TMEM38A: variants seen among roughly 807,000 people sequenced by gnomAD.
TMEM38A encodes transmembrane protein 38A, also known as trimeric intracellular cation channel type A.
Under a neutral mutation model 28.6 loss-of-function variants are expected in TMEM38A, and 17 were observed. The observed-to-expected ratio is 0.60, with a 90% CI of 0.41 to 0.89. TMEM38A has a LOEUF of 0.89. Among genes scored for constraint, TMEM38A ranks in the 40% least tolerant of loss-of-function variants. The pLI, the probability that TMEM38A is intolerant of heterozygous loss-of-function variation, is 0.00. For missense variants in TMEM38A, 328 were observed against 393.1 expected, an observed-to-expected ratio of 0.83 and a Z score of 1.40; for synonymous variants, 169 against 166.1, an observed-to-expected ratio of 1.02 and a Z score of -0.14.
At chr19:16,663,144 G>A (rs1250957468) in intron 1 of TMEM38A, among the ~76,000 whole-genome samples, 1 of 151,964 alleles carries the variant, frequency 6.6e-6, no homozygotes, top group East Asian at 2.0e-4. Context: ...AGCCAGGCAT[G>A]GTGGCACATG....
At position 16,688,442 on chromosome 19, in the gene TMEM38A, T is replaced by C. The variant is rs2086811345; in HGVS notation, c.*71T>C. On this transcript the variant is annotated 3_prime_UTR_variant, in exon 6 of 6. Coordinates refer to ENST00000187762, the MANE Select transcript of TMEM38A (RefSeq NM_024074.4). ...CTCTGAGCTGGGAGGCTTCCTGCGCTCAGATCTATCCTTTCCTGGCCTTGA... is the reference window on the plus strand; with the variant it reads ...CTCTGAGCTGGGAGGCTTCCTGCGCCCAGATCTATCCTTTCCTGGCCTTGA... 7.9e-7 allele frequency: 1 copy of C among 1,269,102 alleles called. No homozygotes were observed. Among genetic ancestry groups the C allele is most frequent in the Non-Finnish European group, 1.0e-6 (1 of 960,680 alleles). 78.6% of individuals were successfully genotyped at this position (1,269,102 alleles called of 1,614,324 possible). A position where few individuals can be genotyped will look rare whatever the true frequency, so the allele number is the denominator to read the frequency against.
intron 1 of TMEM38A, among the ~76,000 whole-genome samples, chr19:16,665,919 C>T (rs1292455395): frequency 6.6e-6 from 1 of 151,846 alleles, no homozygotes. Context: ...AGTGATTCTC[C>T]TGCCTTAGCC....
intron 1 of TMEM38A, among the ~76,000 whole-genome samples, chr19:16,671,580 G>A (rs956588484): frequency 6.6e-6 from 1 of 151,996 alleles, no homozygotes; most frequent in South Asian, 2.1e-4. Flanking sequence ...CCAAGGCCAT[G>A]CTAGAGTGAG....
At chr19:16,686,007 A>G (rs1457250445) in intron 4 of TMEM38A, among the ~76,000 whole-genome samples, 1 of 152,188 alleles carries the variant, frequency 6.6e-6, no homozygotes, top group African/African-American at 2.4e-5. Context: ...TCCTAAAAAT[A>G]CAAAAATTAG....
chr19:16,674,577 A>T (rs2086741766), intron 1 of TMEM38A, among the ~76,000 whole-genome samples: 1 of 151,960 alleles, frequency 6.6e-6, no homozygotes, highest in Non-Finnish European at 1.5e-5. Flanking sequence ...AGGTGGGCAG[A>T]TCACCTGAGG....
At chr19:16,677,132 GC>G (rs34238207) in intron 1 of TMEM38A, among the ~76,000 whole-genome samples, 1 of 148,954 alleles carries the variant, frequency 6.7e-6, no homozygotes, top group African/African-American at 2.5e-5. Context: ...GGGTTTTCAA[GC>G]CCCCTTCTTT....
At position 16,671,201 on chromosome 19, in the gene TMEM38A, C is replaced by CTTTTTT. The variant is rs34550977; in HGVS notation, c.125-8766_125-8761dup. ...GTATGGAAAGGGGAAAGGACCTGGG[C>CTTTTTT]TTTTTTTTTTTTTTTTTTTTTTGAG... is the stretch of plus-strand genomic sequence containing the variant. On this transcript the variant is annotated intron_variant, in intron 1 of 5. Coordinates refer to ENST00000187762, the MANE Select transcript of TMEM38A (RefSeq NM_024074.4). 3.5e-3 allele frequency among the ~76,000 whole-genome samples: 301 copies of CTTTTTT among 84,828 alleles called. 25 individuals are homozygous for CTTTTTT. Among genetic ancestry groups the CTTTTTT allele is most frequent in the Admixed American group, 0.015 (118 of 7,730 alleles). The allele number at this position is 84,828 out of a possible 152,430, so 55.7% of individuals were successfully genotyped here.
At position 16,689,869 on chromosome 19, in the gene TMEM38A, G is replaced by C. The variant is rs1009392432; in HGVS notation, c.*1498G>C. The C allele has an allele frequency of 1.5e-4, 23 of 152,250 alleles. No homozygotes were observed. The highest frequency in any genetic ancestry group is 5.5e-4 in the African/African-American group (23 of 41,446). 9.4% of individuals were successfully genotyped at this position (152,250 alleles called of 1,614,324 possible). On this transcript the variant is annotated 3_prime_UTR_variant, in exon 6 of 6. Coordinates refer to ENST00000187762, the MANE Select transcript of TMEM38A (RefSeq NM_024074.4). ...CAGTCTCAGGTGAGGTTTGGGCCCA[G>C]ACCTCGTTGGAGTCCCAGACGTTGC...
Position 16,680,387 on chromosome 19 carries a change from T to C in TMEM38A, c.282-10T>C, listed in dbSNP as rs776202747. On this transcript the variant is annotated splice_polypyrimidine_tract_variant and intron_variant, in intron 2 of 5. Coordinates refer to ENST00000187762, the MANE Select transcript of TMEM38A (RefSeq NM_024074.4). ...CCATCCCCTGGCACTCACTGTTCTCTCCCCAAAAGGTACTTGATTTTCTTC... is the reference window on the plus strand; with the variant it reads ...CCATCCCCTGGCACTCACTGTTCTCCCCCCAAAAGGTACTTGATTTTCTTC... 1.2e-6 allele frequency: 2 copies of C among 1,613,756 alleles called. No individual in the cohort carries two copies. Among genetic ancestry groups the C allele is most frequent in the African/African-American group, 2.7e-5 (2 of 74,902 alleles).
chr19:16,688,169 A>C lies in TMEM38A; in HGVS notation c.698A>C (p.His233Pro). The change falls in exon 6 of 6, where the codon CAC (histidine) becomes CCC (proline). Residue 233 changes from histidine to proline, a missense_variant. Coordinates refer to ENST00000187762, the MANE Select transcript of TMEM38A (RefSeq NM_024074.4). ...GTGTTTCTGACAGCCACCCACTCAC[A>C]CAGCTCCCCCTTTGATGCCCTGGAG... ...CKVFLTATHSHSSPFDALEGY... is the reference protein window; with the variant it reads ...CKVFLTATHSPSSPFDALEGY... 2 of 1,449,980 alleles carry C rather than the reference A, an allele frequency of 1.4e-6. No homozygotes were observed. The highest frequency in any genetic ancestry group is 1.8e-6 in the Non-Finnish European group (2 of 1,092,112). 89.8% of individuals were successfully genotyped at this position (1,449,980 alleles called of 1,614,324 possible).
rs554831705 is a variant in TMEM38A at position 16,688,200 on chromosome 19, C to T, written c.729C>T (p.Tyr243=). ...HSSPFDALEG[Y]ICPVLFGSAC... ...CCCCCTTTGATGCCCTGGAGGGCTACATCTGCCCCGTGCTGTTTGGTTCGG... is the reference window on the plus strand; with the variant it reads ...CCCCCTTTGATGCCCTGGAGGGCTATATCTGCCCCGTGCTGTTTGGTTCGG... Residue 243 remains tyrosine (Y), a synonymous_variant, in exon 6 of 6, where the codon TAC becomes TAT. Transcript: ENST00000187762. 6 of 1,543,268 alleles carry T rather than the reference C, an allele frequency of 3.9e-6. No homozygotes were observed. The African/African-American group carries it at 8.3e-5, about 21-fold the overall frequency.
intron 1 of TMEM38A, among the ~76,000 whole-genome samples, chr19:16,672,466 T>TTTTTTTTTTTTTG (rs3067283): frequency 6.7e-6 from 1 of 149,654 alleles, no homozygotes; most frequent in African/African-American, 2.5e-5. Flanking sequence ...TTTTTTTTTT[T>TTTTTTTTTTTTTG]GAGGCAGAGT....
chr19:16,682,905 G>C (rs2086787670), intron 4 of TMEM38A, among the ~76,000 whole-genome samples: 1 of 152,178 alleles, frequency 6.6e-6, no homozygotes, highest in Admixed American at 6.5e-5. Flanking sequence ...CTGGAGCTAA[G>C]TGGACAAGGC....
At chr19:16,677,777 C>T (rs539235936) in intron 1 of TMEM38A, among the ~76,000 whole-genome samples, 3 of 152,226 alleles carry the variant, frequency 2.0e-5, no homozygotes, top group Admixed American at 2.0e-4. Context: ...ATGTTGGTCT[C>T]GAACACCCAG....
At chr19:16,687,835 TGCACTTAGCACAGCTTTTCTCTGA>T (rs1160954224) in intron 5 of TMEM38A, among the ~76,000 whole-genome samples, 1 of 152,204 alleles carries the variant, frequency 6.6e-6, no homozygotes, top group Non-Finnish European at 1.5e-5. Flanking sequence ...CCTTCAGACC[TGCACTTAGCACAGCTTTTCTCTGA>T]GCCCAGGTGT....
At chr19:16,665,362 G>A (rs1474429988) in intron 1 of TMEM38A, among the ~76,000 whole-genome samples, 1 of 152,036 alleles carries the variant, frequency 6.6e-6, no homozygotes, top group African/African-American at 2.4e-5. Context: ...GGTGGCATGT[G>A]CCTGTAGTCC....
intron 4 of TMEM38A, 87 bp from the exon 5 acceptor site, chr19:16,686,201 G>T: frequency 2.3e-6 from 2 of 886,978 alleles, no homozygotes; most frequent in South Asian, 1.5e-5. Context: ...ATGGGAGCTG[G>T]TGCCAGGGCA....
rs564372489 is a variant in TMEM38A at position 16,682,296 on chromosome 19, C to A, written c.467-125C>A. On this transcript the variant is annotated intron_variant, in intron 3 of 5. Coordinates refer to ENST00000187762, the MANE Select transcript of TMEM38A (RefSeq NM_024074.4). ...CCCACCTGCAGCTGATGATCATACACCCCCAGGCTCAGTGTCCTTCTAGAG... is the reference window on the plus strand; with the variant it reads ...CCCACCTGCAGCTGATGATCATACAACCCCAGGCTCAGTGTCCTTCTAGAG... The A allele has an allele frequency of 2.1e-5, 15 of 731,032 alleles. No homozygotes were observed. In the African/African-American group the frequency reaches 2.4e-4, roughly 12 times the overall value. 45.3% of individuals were successfully genotyped at this position (731,032 alleles called of 1,614,324 possible).
intron 5 of TMEM38A, 70 bp downstream of exon 5, chr19:16,686,475 G>A: frequency 7.6e-7 from 1 of 1,314,028 alleles, no homozygotes; most frequent in Non-Finnish European, 1.1e-6. Context: ...GGTTGGGAGT[G>A]GGGAAATTGG....
Sources: gnomAD v4.1 joint callset for allele counts (sites outside exome capture counted in the v4.1 genomes callset) on GRCh38, gnomAD v4.1.1 for gene constraint, MANE v1.5 for transcripts, NCBI Gene and HGNC (gene_info 2026-07-23, HGNC 2026-07-21) for gene names.